EPHA6: variants seen among roughly 807,000 people sequenced by gnomAD.
EPHA6 encodes ephrin type-A receptor 6.
A neutral mutation model predicts 112.0 loss-of-function variants in EPHA6; 50 were observed. The observed-to-expected ratio is 0.45, with a 90% CI of 0.36 to 0.56. The LOEUF is 0.56. Ranked by LOEUF, EPHA6 falls within the 20% of genes least tolerant of loss-of-function variation. The pLI is 0.00. For synonymous variants in EPHA6, 529 were observed against 490.7 expected (o/e 1.08, Z -1.03); for missense variants, 1,280 against 1,417.4 (o/e 0.90, Z 1.56).
At chr3:97,387,525 T>C (rs1413136399) in intron 5 of EPHA6, among the ~76,000 whole-genome samples, 1 of 141,952 alleles carries the variant, frequency 7.0e-6, no homozygotes, top group Non-Finnish European at 1.5e-5. Context: ...TTGCTCCAGT[T>C]CCCAATAAGT....
intron 5 of EPHA6, among the ~76,000 whole-genome samples, chr3:97,355,365 A>G (rs2084017907): frequency 1.3e-5 from 2 of 152,234 alleles, no homozygotes; most frequent in Non-Finnish European, 2.9e-5. Flanking sequence ...GTTCAAAACC[A>G]GGAGAGATAA....
At chr3:97,671,100 C>T (rs997035062) in intron 14 of EPHA6, among the ~76,000 whole-genome samples, 1 of 152,156 alleles carries the variant, frequency 6.6e-6, no homozygotes, top group South Asian at 2.1e-4. Context: ...CCTAGAGTCT[C>T]GGTTATCCCT....
At chr3:96,876,160 A>G (rs1252976644) in intron 2 of EPHA6, among the ~76,000 whole-genome samples, 2 of 146,544 alleles carry the variant, frequency 1.4e-5, no homozygotes, top group African/African-American at 5.0e-5. Context: ...AGAGATGGGG[A>G]GGTCTTGCTA....
intron 2 of EPHA6, among the ~76,000 whole-genome samples, chr3:96,906,689 A>G (rs148959632): frequency 6.6e-6 from 1 of 152,056 alleles, no homozygotes; most frequent in Non-Finnish European, 1.5e-5. Flanking sequence ...ATGAGACTAC[A>G]TAGCAGCTGC....
At chr3:97,734,753 G>A (rs2035184165) in intron 15 of EPHA6, among the ~76,000 whole-genome samples, 1 of 151,978 alleles carries the variant, frequency 6.6e-6, no homozygotes, top group South Asian at 2.1e-4. Flanking sequence ...AATTTTGCCT[G>A]TCTTTAAATA....
At chr3:96,909,688 A>G (rs887785035) in intron 2 of EPHA6, among the ~76,000 whole-genome samples, 2 of 151,966 alleles carry the variant, frequency 1.3e-5, no homozygotes, top group Non-Finnish European at 2.9e-5. Flanking sequence ...TCTTATGAGG[A>G]ACCCTTATAG....
chr3:97,424,033 T>C (rs1016050045), intron 6 of EPHA6, among the ~76,000 whole-genome samples: 1 of 152,190 alleles, frequency 6.6e-6, no homozygotes, highest in Non-Finnish European at 1.5e-5. Flanking sequence ...GGGTAATTTA[T>C]AAAGGAAAGA....
chr3:97,071,724 A>G (rs1410419420), intron 3 of EPHA6, among the ~76,000 whole-genome samples: 4 of 152,074 alleles, frequency 2.6e-5, no homozygotes, highest in African/African-American at 2.4e-5. Flanking sequence ...ACCATATCAC[A>G]TTATATCTTT....
chr3:96,829,988 C>CACACACAG (rs1320137235), intron 1 of EPHA6, among the ~76,000 whole-genome samples: 3 of 149,070 alleles, frequency 2.0e-5, no homozygotes, highest in Non-Finnish European at 3.0e-5. Flanking sequence ...CACACACACA[C>CACACACAG]AGAAATGGTA....
At chr3:96,986,683 C>T (rs1447185556) in intron 2 of EPHA6, among the ~76,000 whole-genome samples, 2 of 152,140 alleles carry the variant, frequency 1.3e-5, no homozygotes, top group African/African-American at 4.8e-5. Flanking sequence ...TCTCTTCCCT[C>T]CAAAGTAAGC....
At chr3:97,365,145 C>T (rs1300973610) in intron 5 of EPHA6, among the ~76,000 whole-genome samples, 1 of 152,044 alleles carries the variant, frequency 6.6e-6, no homozygotes, top group Non-Finnish European at 1.5e-5. Flanking sequence ...AAATGAATAT[C>T]TCTTAAATTT....
intron 1 of EPHA6, among the ~76,000 whole-genome samples, chr3:96,863,398 A>G (rs1486033197): frequency 6.6e-6 from 1 of 152,006 alleles, no homozygotes; most frequent in African/African-American, 2.4e-5. Context: ...GGGGTTTTGT[A>G]TGTGAAACAA....
rs1007130093 is a variant in EPHA6 at position 97,598,122 on chromosome 3, C to A, written c.2512+5385C>A. Among the ~76,000 whole-genome samples, 34 of 151,738 alleles carry A rather than the reference C, an allele frequency of 2.2e-4. 1 individual carries two copies. The highest frequency in any genetic ancestry group is 6.3e-4 in the African/African-American group (26 of 41,438). On this transcript the variant is annotated intron_variant, in intron 12 of 17. Coordinates refer to ENST00000389672, the MANE Select transcript of EPHA6 (RefSeq NM_001080448.3). ...TCAGACATTCTTTAAAAAGTTAGTA[C>A]CCATTTTTATTTTTTATTTTTTTTA...
chr3:97,099,564 T>C (rs2047344117), intron 3 of EPHA6, among the ~76,000 whole-genome samples: 2 of 151,954 alleles, frequency 1.3e-5, no homozygotes, highest in African/African-American at 4.8e-5. Flanking sequence ...TTGTGACTCA[T>C]CCTAATGAAA....
At chr3:97,596,902 A>ATATG (rs1165537934) in intron 12 of EPHA6, among the ~76,000 whole-genome samples, 21 of 114,304 alleles carry the variant, frequency 1.8e-4, no homozygotes, top group African/African-American at 5.4e-4. Context: ...ATATATATAT[A>ATATG]TATGTATGTA....
chr3:97,153,935 G>A (rs2076228353), intron 3 of EPHA6, among the ~76,000 whole-genome samples: 1 of 152,090 alleles, frequency 6.6e-6, no homozygotes, highest in South Asian at 2.1e-4. Flanking sequence ...GGAGGCTGAG[G>A]CAGGAGGATC....
intron 2 of EPHA6, among the ~76,000 whole-genome samples, chr3:96,905,488 ATAT>A (rs1378352832): frequency 2.6e-5 from 4 of 152,024 alleles, no homozygotes; most frequent in East Asian, 3.9e-4. Flanking sequence ...ATCATGTGAA[ATAT>A]TATTATGTCT....
chr3:97,055,032 A>G (rs1219463774), intron 3 of EPHA6, among the ~76,000 whole-genome samples: 1 of 152,120 alleles, frequency 6.6e-6, no homozygotes, highest in African/African-American at 2.4e-5. Context: ...TGGAATGGGA[A>G]CTGGGCCAAC....
chr3:97,509,475 G>C (rs185155790), intron 10 of EPHA6, among the ~76,000 whole-genome samples: 2 of 152,012 alleles, frequency 1.3e-5, no homozygotes, highest in African/African-American at 4.8e-5. Context: ...GAAATTCTTC[G>C]TTGAAAATTC....
Sources: gnomAD v4.1 joint callset for allele counts (sites outside exome capture counted in the v4.1 genomes callset) on GRCh38, gnomAD v4.1.1 for gene constraint, MANE v1.5 for transcripts, NCBI Gene and HGNC (gene_info 2026-07-23, HGNC 2026-07-21) for gene names.